The following PIK3CD variants were observed in gnomAD, a reference collection of about 807,000 sequenced individuals.
PIK3CD encodes the protein phosphatidylinositol-4,5-bisphosphate 3-kinase catalytic subunit delta.
In PIK3CD, 20 loss-of-function variants were observed where a neutral mutation model predicts 122.9. The ratio of observed to expected loss-of-function variants is 0.16; its 90% CI spans 0.11 to 0.24. The LOEUF is 0.24. Among genes scored for constraint, PIK3CD ranks in the 10% least tolerant of loss-of-function variants. The pLI is 1.00. For synonymous variants in PIK3CD, 596 were observed against 593.4 expected, an observed-to-expected ratio of 1.00 and a Z score of -0.06; for missense variants, 787 against 1,406.3, an observed-to-expected ratio of 0.56 and a Z score of 7.04.
At chr1:9,647,109 C>CT (rs2100645320), upstream of PIK3CD, among the ~76,000 whole-genome samples, 1 of 149,166 alleles carries the variant, frequency 6.7e-6, no homozygotes, top group African/African-American at 2.5e-5. Context: ...GAGACTCTGT[C>CT]TAAAAAAAAA....
At chr1:9,677,102 C>G (rs569848185) in intron 1 of PIK3CD, among the ~76,000 whole-genome samples, 1 of 152,246 alleles carries the variant, frequency 6.6e-6, no homozygotes, top group Admixed American at 6.5e-5. Context: ...TGGAGGAGGA[C>G]CCCTAAGCTG....
chr1:9,653,632 T>C, intron 1 of PIK3CD: 1 of 438,962 alleles, frequency 2.3e-6, no homozygotes, highest in Admixed American at 2.9e-5. Context: ...CCCTCCCCAA[T>C]TTGATTGATG....
the PIK3CD span, among the ~76,000 whole-genome samples, chr1:9,629,990 C>G: frequency 7.7e-4 from 117 of 152,360 alleles, no homozygotes; most frequent in Non-Finnish European, 1.5e-3. Flanking sequence ...CCCAGGACAC[C>G]ACGAGGTTGG....
chr1:9,663,865 A>G (rs1645079867), intron 1 of PIK3CD, among the ~76,000 whole-genome samples: 1 of 151,710 alleles, frequency 6.6e-6, no homozygotes, highest in Non-Finnish European at 1.5e-5. Context: ...TAGTTTGCTG[A>G]GAATGATGGT....
Position 9,724,396 on chromosome 1 carries a change from A to G in PIK3CD, c.2839A>G (p.Thr947Ala), listed in dbSNP as rs1223914240. The G allele has an allele frequency of 5.6e-6, 9 of 1,613,998 alleles. No homozygotes were observed. Among genetic ancestry groups the G allele is most frequent in the Non-Finnish European group, 4.2e-6 (5 of 1,180,046 alleles). The change falls in exon 22 of 24, where the codon ACT (threonine) becomes GCT (alanine). Residue 947 changes from threonine (T) to alanine (A), a missense_variant. This residue lies in a region of PIK3CD where 60 missense variants were observed against 129.5 expected (regional missense o/e 0.46). Transcript: ENST00000377346. This position sits in a 1 kb window ranked among gnomAD's most constrained non-coding sequence, Gnocchi z 7.3. ...DFVHVIQQGK[T>A]NNSEKFERFR... ...TGTCCATGTGATTCAGCAGGGGAAG[A>G]CTAATAATAGTGAGAAATTTGAACG...
intron 2 of PIK3CD, among the ~76,000 whole-genome samples, chr1:9,697,158 G>T (rs1042509767): frequency 1.3e-5 from 2 of 151,816 alleles, no homozygotes; most frequent in Admixed American, 1.3e-4. Flanking sequence ...GATCACTTGA[G>T]CCCAGGAGTT....
At position 9,704,595 on chromosome 1, in the gene PIK3CD, C is replaced by T. The variant is rs1287419699; in HGVS notation, c.-32-5829C>T. Among the ~76,000 whole-genome samples, 1 of 152,232 alleles carries T rather than the reference C, an allele frequency of 6.6e-6. No individual in the cohort carries two copies. The highest frequency in any genetic ancestry group is 1.5e-5 in the Non-Finnish European group (1 of 68,046). On this transcript the variant is annotated intron_variant, in intron 2 of 23. Transcript: ENST00000377346. The surrounding 1 kb of genome is among the most constrained non-coding windows in gnomAD (Gnocchi z 5.0). ...TGGCACAATCTCAGCTAACTGCAACCTCCACTTCCCTGGCTCAAGCAATCC... is the reference window on the plus strand; with the variant it reads ...TGGCACAATCTCAGCTAACTGCAACTTCCACTTCCCTGGCTCAAGCAATCC...
At chr1:9,656,665 G>A (rs1253697143) in intron 1 of PIK3CD, among the ~76,000 whole-genome samples, 1 of 152,152 alleles carries the variant, frequency 6.6e-6, no homozygotes, top group Non-Finnish European at 1.5e-5. Context: ...GCAATGGGCC[G>A]GGTGTGATAG....
At chr1:9,664,290 C>T (rs1645097511) in intron 1 of PIK3CD, among the ~76,000 whole-genome samples, 1 of 152,146 alleles carries the variant, frequency 6.6e-6, no homozygotes, top group Non-Finnish European at 1.5e-5. Flanking sequence ...CTCAGGTGAT[C>T]CACCTGCCTT....
In PIK3CD at chr1:9,710,754, G is replaced by A. The variant is rs1475672000; in HGVS notation, c.141+158G>A. Reference sequence around the variant, plus strand: ...CTTTTCAGACTTGGGATCCTCAGATGAGAATTTTAAAAGATAAATAATGGT... The same window carrying A: ...CTTTTCAGACTTGGGATCCTCAGATAAGAATTTTAAAAGATAAATAATGGT... On this transcript the variant is annotated intron_variant, in intron 3 of 23. Coordinates refer to ENST00000377346, the MANE Select transcript of PIK3CD (RefSeq NM_005026.5). This position sits in a 1 kb window ranked among gnomAD's most constrained non-coding sequence, Gnocchi z 4.7. 3.9e-5 allele frequency among the ~76,000 whole-genome samples: 6 copies of A among 152,132 alleles called. No individual in the cohort carries two copies. Among genetic ancestry groups the A allele is most frequent in the Non-Finnish European group, 1.5e-5 (1 of 68,024 alleles).
chr1:9,717,290 G>A lies in PIK3CD; in HGVS notation c.930+182G>A, dbSNP rs550502061. ...GGGGGCCTGTGGGACTGCCGTGGGT[G>A]GGGGGCAGCCCCATGCCTGGCTCAC... On this transcript the variant is annotated intron_variant, in intron 7 of 23. Coordinates refer to ENST00000377346, the MANE Select transcript of PIK3CD (RefSeq NM_005026.5). The surrounding 1 kb of genome is among the most constrained non-coding windows in gnomAD (Gnocchi z 5.4). Among the ~76,000 whole-genome samples the A allele has an allele frequency of 3.8e-4, 58 of 152,324 alleles. 1 individual carries two copies. The highest frequency in any genetic ancestry group is 1.3e-3 in the African/African-American group (53 of 41,588).
In PIK3CD at chr1:9,713,162, C is replaced by T. The variant is rs537500129; in HGVS notation, c.142-2379C>T. On this transcript the variant is annotated intron_variant, in intron 3 of 23. Transcript: ENST00000377346. ...GTGGGCCATTGCATTCCAGCCTGGG[C>T]GACAAGAGCGAAACTCTGTCTCAAA... Among the ~76,000 whole-genome samples the T allele has an allele frequency of 2.6e-5, 4 of 151,692 alleles. No homozygotes were observed. In the South Asian group the frequency reaches 6.3e-4, roughly 24 times the overall value.
In PIK3CD at chr1:9,710,463, C is replaced by T. The variant is rs780051553; in HGVS notation, c.8C>T (p.Pro3Leu). Residue 3 changes from proline to leucine, a missense_variant, in exon 3 of 24, where the codon CCT becomes CTT. Physicochemically the swap from Pro to Leu is moderately conservative, Grantham distance 98. This residue lies in a region of PIK3CD where 592 missense variants were observed against 920.6 expected (regional missense o/e 0.64). Transcript: ENST00000377346. The surrounding 1 kb of genome is among the most constrained non-coding windows in gnomAD (Gnocchi z 4.7). Reference protein sequence around the residue: MPPGVDCPMEFWT... With the variant: MPLGVDCPMEFWT... ...GGGAAGTAACAACGCAGGATGCCCCCTGGGGTGGACTGCCCCATGGAATTC... is the reference window on the plus strand; with the variant it reads ...GGGAAGTAACAACGCAGGATGCCCCTTGGGGTGGACTGCCCCATGGAATTC... 4.3e-6 allele frequency: 7 copies of T among 1,613,930 alleles called. No individual in the cohort carries two copies. Among genetic ancestry groups the T allele is most frequent in the Middle Eastern group, 1.6e-4 (1 of 6,082 alleles).
In PIK3CD at chr1:9,710,777, GGTTTGTTTGTTT is replaced by G. The variant is rs201756280; in HGVS notation, c.141+194_141+205del. On this transcript the variant is annotated intron_variant, in intron 3 of 23. Transcript: ENST00000377346. This position sits in a 1 kb window ranked among gnomAD's most constrained non-coding sequence, Gnocchi z 4.7. ...ATGAGAATTTTAAAAGATAAATAAT[GGTTTGTTTGTTT>G]GTTTGTTTGTTTTGAGACGGAGTTT... Among the ~76,000 whole-genome samples, 1 of 151,858 alleles carries G rather than the reference GGTTTGTTTGTTT, an allele frequency of 6.6e-6. No homozygotes were observed.
At position 9,723,090 on chromosome 1, in the gene PIK3CD, A is replaced by G. The variant is rs201015955; in HGVS notation, c.2427-35A>G. 306 of 1,610,768 alleles carry G rather than the reference A, an allele frequency of 1.9e-4. No individual in the cohort carries two copies. The highest frequency in any genetic ancestry group is 1.2e-3 in the Middle Eastern group (7 of 6,058). Reference sequence around the variant, plus strand: ...GTGGCCTCAGGGACAGCCCTTGACCATGCCATTTGCCCGTCCCTCTTCCCC... The same window carrying G: ...GTGGCCTCAGGGACAGCCCTTGACCGTGCCATTTGCCCGTCCCTCTTCCCC... On this transcript the variant is annotated intron_variant, in intron 19 of 23. Transcript: ENST00000377346. This position sits in a 1 kb window ranked among gnomAD's most constrained non-coding sequence, Gnocchi z 4.9.
the PIK3CD span, among the ~76,000 whole-genome samples, chr1:9,636,639 G>C: frequency 4.6e-5 from 7 of 152,312 alleles, no homozygotes; most frequent in East Asian, 1.4e-3. Context: ...TAGGGAGAAG[G>C]CAGCGGCTGG....
At chr1:9,714,048 T>C (rs1052621604) in intron 3 of PIK3CD, among the ~76,000 whole-genome samples, 1 of 151,878 alleles carries the variant, frequency 6.6e-6, no homozygotes, top group African/African-American at 2.4e-5. Context: ...GATGGAGTCT[T>C]ATTATGTTGC....
chr1:9,676,367 C>T (rs1645538197), intron 1 of PIK3CD, among the ~76,000 whole-genome samples: 1 of 152,214 alleles, frequency 6.6e-6, no homozygotes, highest in Non-Finnish European at 1.5e-5. Context: ...CAGCCTAGTT[C>T]CTTGCTCTTG....
In PIK3CD at chr1:9,717,316, C is replaced by T. The variant is rs1212805940; in HGVS notation, c.930+208C>T. ...GGGGGCAGCCCCATGCCTGGCTCAC[C>T]GGCTGCCCTTCCCCTCTGCAGAGCT... On this transcript the variant is annotated intron_variant, in intron 7 of 23. Coordinates refer to ENST00000377346, the MANE Select transcript of PIK3CD (RefSeq NM_005026.5). The surrounding 1 kb of genome is among the most constrained non-coding windows in gnomAD (Gnocchi z 5.4). Among the ~76,000 whole-genome samples the T allele has an allele frequency of 1.3e-5, 2 of 152,174 alleles. No individual in the cohort carries two copies. Among genetic ancestry groups the T allele is most frequent in the African/African-American group, 2.4e-5 (1 of 41,456 alleles).
Sources: gnomAD v4.1 joint callset for allele counts (sites outside exome capture counted in the v4.1 genomes callset) on GRCh38, gnomAD v4.1.1 for gene constraint, gnomAD v4.1.1 regional missense constraint, Gnocchi (gnomAD v3.1) non-coding constraint, MANE v1.5 for transcripts, NCBI Gene and HGNC (gene_info 2026-07-23, HGNC 2026-07-21) for gene names.